The following CRAMP1 variants were observed in gnomAD, a reference collection of about 807,000 sequenced individuals.
CRAMP1 encodes protein cramped-like.
CRAMP1 carries 50 observed loss-of-function variants against 115.4 expected under a neutral mutation model. The observed-to-expected ratio is 0.43, with a 90% CI of 0.35 to 0.55. CRAMP1 has a LOEUF of 0.55. CRAMP1 is among the 20% of genes least tolerant of loss of function. CRAMP1 has a pLI of 0.01. For missense variants in CRAMP1, 1,679 were observed against 1,721.7 expected, an observed-to-expected ratio of 0.98 and a Z score of 0.44; for synonymous variants, 866 against 745.4, an observed-to-expected ratio of 1.16 and a Z score of -2.64.
chr16:1,662,758 C>T lies in CRAMP1; in HGVS notation c.2596-3C>T. 6.2e-7 allele frequency: 1 copy of T among 1,613,900 alleles called. No homozygotes were observed. Among genetic ancestry groups the T allele is most frequent in the Non-Finnish European group, 8.5e-7 (1 of 1,179,888 alleles). The stretch of plus-strand genomic sequence containing the variant: ...TCAGGTGCCGGACGCTGCTCCCTTA[C>T]AGATGCAGTCGGATTTCTTCCTGCC... On this transcript the variant is annotated splice_polypyrimidine_tract_variant and splice_region_variant and intron_variant, in intron 12 of 20. Coordinates refer to ENST00000397412, the MANE Select transcript of CRAMP1 (RefSeq NM_020825.4).
intron 5 of CRAMP1, among the ~76,000 whole-genome samples, chr16:1,640,728 C>T (rs1224064606): frequency 6.6e-6 from 1 of 152,238 alleles, no homozygotes; most frequent in East Asian, 1.9e-4. Flanking sequence ...ACACCGGACA[C>T]TGTCAGTACG....
chr16:1,623,054 G>A (rs1033233908), intron 2 of CRAMP1, among the ~76,000 whole-genome samples: 4 of 151,902 alleles, frequency 2.6e-5, no homozygotes, highest in South Asian at 2.1e-4. Context: ...CCACCACCAC[G>A]CCCGGTTAAT....
In CRAMP1 at chr16:1,669,087, C is replaced by T. The variant is rs1279611151; in HGVS notation, c.3421C>T (p.His1141Tyr). 6.2e-7 allele frequency: 1 copy of T among 1,612,172 alleles called. No individual in the cohort carries two copies. The highest frequency in any genetic ancestry group is 1.7e-5 in the Admixed American group (1 of 59,798). ...LPSPSSSPQP[H>Y]WIASPTHDPQ... Reference sequence around the variant, plus strand: ...CTCCCCGTCCAGCAGCCCCCAGCCACACTGGATCGCCTCTCCCACCCACGA... The same window carrying T: ...CTCCCCGTCCAGCAGCCCCCAGCCATACTGGATCGCCTCTCCCACCCACGA... The change falls in exon 19 of 21, where the codon CAC becomes TAC. Residue 1141 changes from histidine to tyrosine, a missense_variant. His to Tyr is a moderately conservative substitution (Grantham distance 83). Transcript: ENST00000397412. The surrounding 1 kb of genome is among the most constrained non-coding windows in gnomAD (Gnocchi z 4.6).
chr16:1,645,541 C>G, intron 6 of CRAMP1: 1 of 159,020 alleles, frequency 6.3e-6, no homozygotes, highest in South Asian at 1.6e-4. Context: ...CTTCATCACT[C>G]AGAGTCCATA....
intron 3 of CRAMP1, among the ~76,000 whole-genome samples, chr16:1,628,873 G>T (rs1007905390): frequency 6.6e-6 from 1 of 152,246 alleles, no homozygotes; most frequent in African/African-American, 2.4e-5. Context: ...TCCTGCTTCA[G>T]CTGCTCCTCA....
At chr16:1,619,626 C>T (rs1001134236) in intron 2 of CRAMP1, among the ~76,000 whole-genome samples, 1 of 152,174 alleles carries the variant, frequency 6.6e-6, no homozygotes, top group Non-Finnish European at 1.5e-5. Flanking sequence ...AGAGGGCATA[C>T]GCTTTTATAC....
At chr16:1,655,680 G>C (rs2036764846) in intron 9 of CRAMP1, among the ~76,000 whole-genome samples, 197 bp from the exon 10 acceptor site, 1 of 152,220 alleles carries the variant, frequency 6.6e-6, no homozygotes, top group Admixed American at 6.5e-5. Flanking sequence ...GTGCGTGTCA[G>C]GTGTGAATTT....
chr16:1,649,858 A>G (rs1042746017), intron 6 of CRAMP1, among the ~76,000 whole-genome samples: 1 of 143,254 alleles, frequency 7.0e-6, no homozygotes. Context: ...CAGTGGCGCA[A>G]TCTCAGCTCA....
At chr16:1,640,830 G>A (rs1000910703) in intron 5 of CRAMP1, among the ~76,000 whole-genome samples, 1 of 152,158 alleles carries the variant, frequency 6.6e-6, no homozygotes, top group East Asian at 1.9e-4. Flanking sequence ...GGCCGGCGCT[G>A]GGGGACCTAG....
In CRAMP1 at chr16:1,614,328, G is replaced by T. The variant is rs1021079631; in HGVS notation, c.-1-311G>T. ...CCATAGACCCCGGGGCCGGGGCCGG[G>T]GCCGGGGCCGGGCAGGGTCCGCCGA... On this transcript the variant is annotated intron_variant, in intron 1 of 20. Transcript: ENST00000397412. The surrounding 1 kb of genome is among the most constrained non-coding windows in gnomAD (Gnocchi z 4.4). Among the ~76,000 whole-genome samples, 119 of 145,884 alleles carry T rather than the reference G, an allele frequency of 8.2e-4. No homozygotes were observed. Among genetic ancestry groups the T allele is most frequent in the African/African-American group, 2.7e-3 (111 of 40,820 alleles).
rs73499791 is a variant in CRAMP1 at position 1,663,265 on chromosome 16, C to T, written c.2670+430C>T. 2.8e-3 allele frequency among the ~76,000 whole-genome samples: 429 copies of T among 152,270 alleles called. 4 individuals are homozygous for T. Among genetic ancestry groups the T allele is most frequent in the African/African-American group, 9.7e-3 (403 of 41,556 alleles). ...GACAGCCAGGGACTCAGAGGCACCT[C>T]AGAAGAAGAGCTTGGCATTCTGACG... On this transcript the variant is annotated intron_variant, in intron 13 of 20. Coordinates refer to ENST00000397412, the MANE Select transcript of CRAMP1 (RefSeq NM_020825.4).
At chr16:1,641,788 G>T (rs1439601714) in intron 6 of CRAMP1, among the ~76,000 whole-genome samples, 1 of 152,116 alleles carries the variant, frequency 6.6e-6, no homozygotes. Flanking sequence ...CAGCCTGGGG[G>T]TTCCCTGCTT....
At position 1,662,742 on chromosome 16, in the gene CRAMP1, G is replaced by A. The variant is rs776077779; in HGVS notation, c.2596-19G>A. 65 of 1,613,622 alleles carry A rather than the reference G, an allele frequency of 4.0e-5. No homozygotes were observed. The highest frequency in any genetic ancestry group is 5.2e-5 in the Non-Finnish European group (61 of 1,179,834). ...TCTGGAGAGTGCACCTTCAGGTGCCGGACGCTGCTCCCTTACAGATGCAGT... is the reference window on the plus strand; with the variant it reads ...TCTGGAGAGTGCACCTTCAGGTGCCAGACGCTGCTCCCTTACAGATGCAGT... On this transcript the variant is annotated intron_variant, in intron 12 of 20. Coordinates refer to ENST00000397412, the MANE Select transcript of CRAMP1 (RefSeq NM_020825.4).
chr16:1,625,931 A>G, intron 2 of CRAMP1, 42 bp from the exon 3 acceptor site: 1 of 1,546,104 alleles, frequency 6.5e-7, no homozygotes, highest in Non-Finnish European at 8.7e-7. Context: ...CCAGCCCGCC[A>G]GCTTTCTGGA....
chr16:1,646,118 C>A (rs2036672315), intron 6 of CRAMP1, among the ~76,000 whole-genome samples: 1 of 152,214 alleles, frequency 6.6e-6, no homozygotes. Context: ...TATACTTTCA[C>A]CTGCTGAGTC....
chr16:1,618,387 ACAGGACTG>A (rs1480387991), intron 2 of CRAMP1, among the ~76,000 whole-genome samples: 1 of 152,222 alleles, frequency 6.6e-6, no homozygotes, highest in Non-Finnish European at 1.5e-5. Flanking sequence ...CTTCAAGATT[ACAGGACTG>A]CAGGAGGAGG....
intron 10 of CRAMP1, among the ~76,000 whole-genome samples, chr16:1,657,971 G>GGGGACTC (rs1297708583): frequency 2.0e-5 from 3 of 152,162 alleles, no homozygotes; most frequent in African/African-American, 4.8e-5. Context: ...CCTGTGCTGG[G>GGGGACTC]GGGACTCGGG....
At chr16:1,643,791 G>C (rs2036652410) in intron 6 of CRAMP1, among the ~76,000 whole-genome samples, 2 of 152,258 alleles carry the variant, frequency 1.3e-5, no homozygotes, top group South Asian at 4.1e-4. Context: ...CCTGGCATGG[G>C]TCCCCAGCTC....
intron 3 of CRAMP1, among the ~76,000 whole-genome samples, chr16:1,631,769 G>T (rs1204919889): frequency 6.6e-6 from 1 of 152,204 alleles, no homozygotes; most frequent in African/African-American, 2.4e-5. Flanking sequence ...TGCTGTCCTC[G>T]TTTGAATATG....
Sources: gnomAD v4.1 joint callset for allele counts (sites outside exome capture counted in the v4.1 genomes callset) on GRCh38, gnomAD v4.1.1 for gene constraint, Gnocchi (gnomAD v3.1) non-coding constraint, MANE v1.5 for transcripts, NCBI Gene and HGNC (gene_info 2026-07-23, HGNC 2026-07-21) for gene names.